The following HTRA1 variants were observed in gnomAD, a reference collection of about 807,000 sequenced individuals.
The protein encoded by HTRA1 is serine protease HTRA1.
A neutral mutation model predicts 49.7 loss-of-function variants in HTRA1; 26 were observed. The ratio of observed to expected loss-of-function variants is 0.52; its 90% confidence interval spans 0.38 to 0.73. HTRA1 has a LOEUF of 0.73. HTRA1 is among the 30% of genes least tolerant of loss of function. HTRA1 has a pLI of 0.00. For synonymous variants in HTRA1, 291 were observed against 286.9 expected (o/e 1.01, Z -0.14); for missense variants, 561 against 667.2 (o/e 0.84, Z 1.75).
chr10:122,472,279 A>C (rs2097486453), intron 1 of HTRA1, among the ~76,000 whole-genome samples: 3 of 151,806 alleles, frequency 2.0e-5, no homozygotes, highest in African/African-American at 4.8e-5. Flanking sequence ...AGTTGTTTAA[A>C]ATTATAAATG....
chr10:122,511,986 A>C lies in HTRA1; in HGVS notation c.1195A>C (p.Lys399Gln), dbSNP rs1231449139. The change falls in exon 8 of 9, where the codon AAG (lysine) becomes CAG (glutamine). Residue 399 changes from lysine (K) to glutamine (Q), a missense_variant. Lys to Gln is a moderately conservative substitution (Grantham distance 53, BLOSUM62 1). Around this residue, in one of 3 missense-constraint regions of HTRA1, gnomAD observed 179 missense variants for 173.4 expected, o/e 1.03. Coordinates refer to ENST00000368984, the MANE Select transcript of HTRA1 (RefSeq NM_002775.5). Reference protein sequence around the residue: ...SLTSSKAKELKDRHRDFPDVI... With the variant: ...SLTSSKAKELQDRHRDFPDVI... ...CTGGAGCAGCAAAGCCAAAGAGCTG[A>C]AGGACCGGCACCGGGACTTCCCAGA... 6.2e-6 allele frequency: 10 copies of C among 1,613,846 alleles called. No individual in the cohort carries two copies. The African/African-American group carries it at 1.3e-4, about 22-fold the overall frequency.
At chr10:122,507,657 A>C (rs3013206) in intron 5 of HTRA1, among the ~76,000 whole-genome samples, 2 of 152,138 alleles carry the variant, frequency 1.3e-5, no homozygotes, top group Non-Finnish European at 2.9e-5. Flanking sequence ...CAGAGAACAC[A>C]CTTGTGTCTC....
chr10:122,476,460 C>T (rs1391232512), intron 1 of HTRA1, among the ~76,000 whole-genome samples: 5 of 152,360 alleles, frequency 3.3e-5, no homozygotes, highest in Non-Finnish European at 5.9e-5. Context: ...AGGCATCCAA[C>T]TTGCCCTCAG....
intron 3 of HTRA1, among the ~76,000 whole-genome samples, chr10:122,493,504 T>A (rs1383466556): frequency 6.6e-6 from 1 of 151,238 alleles, no homozygotes; most frequent in African/African-American, 2.4e-5. Context: ...CCCTGCGGGG[T>A]TTTTTTTTCC....
At chr10:122,467,618 G>A (rs534501515) in intron 1 of HTRA1, among the ~76,000 whole-genome samples, 3 of 152,108 alleles carry the variant, frequency 2.0e-5, no homozygotes, top group South Asian at 2.1e-4. Flanking sequence ...TGAAGTCCCC[G>A]GGAGACCACA....
At chr10:122,473,326 G>A (rs2097486961) in intron 1 of HTRA1, among the ~76,000 whole-genome samples, 3 of 152,120 alleles carry the variant, frequency 2.0e-5, no homozygotes, top group African/African-American at 7.2e-5. Context: ...GCTAAGAGGC[G>A]ACAGAGAACC....
At chr10:122,480,098 G>A (rs2097490312) in intron 1 of HTRA1, among the ~76,000 whole-genome samples, 1 of 152,188 alleles carries the variant, frequency 6.6e-6, no homozygotes, top group Admixed American at 6.5e-5. Context: ...CTTTGGAGTA[G>A]GTGATATTAG....
chr10:122,469,821 C>T (rs919120454), intron 1 of HTRA1, among the ~76,000 whole-genome samples: 1 of 152,200 alleles, frequency 6.6e-6, no homozygotes, highest in African/African-American at 2.4e-5. Flanking sequence ...CTTCAGATTT[C>T]TTTAAGTCAA....
intron 4 of HTRA1, 24 bp from the exon 5 acceptor site, chr10:122,507,346 C>A (rs1565434463): frequency 1.9e-6 from 3 of 1,605,418 alleles, no homozygotes; most frequent in Non-Finnish European, 2.6e-6. Context: ...GATTTGTAAC[C>A]TTTTCATTTC....
At chr10:122,510,041 C>T in intron 6 of HTRA1, 55 bp from the exon 7 acceptor site, 1 of 1,511,202 alleles carries the variant, frequency 6.6e-7, no homozygotes, top group South Asian at 1.1e-5. Context: ...CCTGGTGTCC[C>T]CAGCACCCCC....
rs2097481535 is a variant in HTRA1 at position 122,461,855 on chromosome 10, G to A, written c.203G>A (p.Cys68Tyr). 1 of 1,190,490 alleles carries A rather than the reference G, an allele frequency of 8.4e-7. No individual in the cohort carries two copies. Among genetic ancestry groups the A allele is most frequent in the Non-Finnish European group, 1.0e-6 (1 of 964,932 alleles). 73.7% of individuals were successfully genotyped at this position (1,190,490 alleles called of 1,614,324 possible). A position where few individuals can be genotyped will look rare whatever the true frequency, so the allele number is the denominator to read the frequency against. ...GACGCGTGCGGCTGCTGCGAGGTGT[G>A]CGGCGCGCCCGAGGGCGCCGCGTGC... ...ARDACGCCEVCGAPEGAACGL... is the reference protein window; with the variant it reads ...ARDACGCCEVYGAPEGAACGL... The change falls in exon 1 of 9, where the codon TGC becomes TAC. Residue 68 changes from cysteine (C) to tyrosine (Y), a missense_variant. Transcript: ENST00000368984.
chr10:122,469,298 T>A (rs1036527301), intron 1 of HTRA1, among the ~76,000 whole-genome samples: 1 of 152,202 alleles, frequency 6.6e-6, no homozygotes, highest in Non-Finnish European at 1.5e-5. Flanking sequence ...TTTTACCCGA[T>A]CTTCCAACAC....
rs756774555 is a variant in HTRA1, at chr10:122,514,204, G to GAAAACGACGTCAT, written c.1291_1303dup (p.Ile435LysfsTer17). 4 of 1,613,766 alleles carry GAAAACGACGTCAT rather than the reference G, an allele frequency of 2.5e-6. No homozygotes were observed. The highest frequency in any genetic ancestry group is 3.4e-6 in the Non-Finnish European group (4 of 1,179,984). On this transcript the variant is annotated frameshift_variant, in exon 9 of 9. Coordinates refer to ENST00000368984, the MANE Select transcript of HTRA1 (RefSeq NM_002775.5). LOFTEE classifies it high-confidence loss of function. Reference sequence around the variant, plus strand: ...TTTGTGTTGCAGTGGTGGTCTCAAGGAAAACGACGTCATAATCAGCATCAA... The same window carrying GAAAACGACGTCAT: ...TTTGTGTTGCAGTGGTGGTCTCAAGGAAAACGACGTCATAAAACGACGTCATAATCAGCATCAA...
intron 1 of HTRA1, among the ~76,000 whole-genome samples, chr10:122,469,743 C>T (rs953368122): frequency 6.6e-6 from 1 of 152,174 alleles, no homozygotes; most frequent in Non-Finnish European, 1.5e-5. Context: ...GTAACTTGTC[C>T]AAGGCCAGCC....
At chr10:122,483,237 GCAA>G (rs1279867874) in intron 1 of HTRA1, among the ~76,000 whole-genome samples, 1 of 152,154 alleles carries the variant, frequency 6.6e-6, no homozygotes, top group Admixed American at 6.5e-5. Context: ...CTTCAAGGAA[GCAA>G]CATTTATGAA....
At chr10:122,503,644 A>T (rs1163481392) in intron 3 of HTRA1, among the ~76,000 whole-genome samples, 2 of 152,186 alleles carry the variant, frequency 1.3e-5, no homozygotes, top group Non-Finnish European at 2.9e-5. Flanking sequence ...ATCATCTGTA[A>T]GCCTCAGTAT....
rs147723353 is a variant in HTRA1, at chr10:122,488,911, A to T, written c.482A>T (p.Asp161Val). 6 of 1,613,876 alleles carry T rather than the reference A, an allele frequency of 3.7e-6. No individual in the cohort carries two copies. The African/African-American group carries it at 6.7e-5, about 18-fold the overall frequency. ...TTGCTTTTGTTCTCAGGGCAGGAAG[A>T]TCCCAACAGTTTGCGCCATAAATAT... ...QRGACGQGQE[D>V]PNSLRHKYNF... The change falls in exon 2 of 9, where the codon GAT becomes GTT. Residue 161 changes from aspartate (D) to valine (V), a missense_variant. Coordinates refer to ENST00000368984, the MANE Select transcript of HTRA1 (RefSeq NM_002775.5).
intron 4 of HTRA1, 54 bp from the exon 5 acceptor site, chr10:122,507,316 A>G (rs2097503491): frequency 6.7e-7 from 1 of 1,486,600 alleles, no homozygotes; most frequent in South Asian, 1.1e-5. Flanking sequence ...AGGGACATAG[A>G]TTGAACCATG....
intron 3 of HTRA1, among the ~76,000 whole-genome samples, chr10:122,496,869 C>T (rs1591036103): frequency 6.6e-6 from 1 of 152,296 alleles, no homozygotes; most frequent in East Asian, 1.9e-4. Flanking sequence ...TTCTGGTTAG[C>T]TAGTTTCTCT....
Sources: allele counts gnomAD v4.1 joint callset (sites outside exome capture counted in the v4.1 genomes callset), GRCh38; gene constraint gnomAD v4.1.1; regional missense constraint gnomAD v4.1.1; transcripts MANE v1.5; gene names NCBI Gene and HGNC (gene_info 2026-07-23, HGNC 2026-07-21).